TNS3: variants seen among roughly 807,000 people sequenced by gnomAD.
TNS3 encodes the protein tensin 3, also known as tensin-3.
A neutral mutation model predicts 140.9 loss-of-function variants in TNS3; 45 were observed. The ratio of observed to expected loss-of-function variants is 0.32; its 90% CI spans 0.25 to 0.41. TNS3 has a LOEUF of 0.41. Ranked by LOEUF, TNS3 falls within the 10% of genes least tolerant of loss-of-function variation. The probability of loss-of-function intolerance (pLI) is 1.00; values close to 1 mark genes in which losing one functional copy is unlikely to be tolerated. For missense variants in TNS3, 1,716 were observed against 1,906.7 expected, an observed-to-expected ratio of 0.90 and a Z score of 1.86; for synonymous variants, 815 against 788.4, an observed-to-expected ratio of 1.03 and a Z score of -0.56.
chr7:47,581,209 A>T (rs1253073216), intron 1 of TNS3, among the ~76,000 whole-genome samples: 1 of 152,034 alleles, frequency 6.6e-6, no homozygotes, highest in East Asian at 1.9e-4. Context: ...CAGCACCGAC[A>T]CAGAGACCCC....
chr7:47,383,935 C>T (rs757128236), intron 16 of TNS3, among the ~76,000 whole-genome samples: 12 of 152,186 alleles, frequency 7.9e-5, no homozygotes, highest in Non-Finnish European at 1.6e-4. Flanking sequence ...GAAAGTGACA[C>T]GCAGGGCCTC....
At chr7:47,423,317 C>A (rs1430392115) in intron 10 of TNS3, among the ~76,000 whole-genome samples, 1 of 152,202 alleles carries the variant, frequency 6.6e-6, no homozygotes, top group African/African-American at 2.4e-5. Flanking sequence ...TAAGTGTCAC[C>A]ATCTGTGGAG....
At chr7:47,429,615 C>A (rs1794830022) in intron 8 of TNS3, among the ~76,000 whole-genome samples, 1 of 152,180 alleles carries the variant, frequency 6.6e-6, no homozygotes, top group Non-Finnish European at 1.5e-5. Flanking sequence ...GATCCACCAG[C>A]CTCGGCCTCC....
In TNS3 at chr7:47,359,314, C is replaced by T. The variant is rs140465386; in HGVS notation, c.2281+9051G>A. ...CACAAAAAGCACATACTTTGTGATG[C>T]CATTTATGTAAAATGTCCACAGTAG... On this transcript the variant is annotated intron_variant, in intron 17 of 30. Transcript: ENST00000311160. Among the ~76,000 whole-genome samples the T allele has an allele frequency of 2.4e-4, 37 of 152,278 alleles. 1 individual carries two copies. The Middle Eastern group carries it at 0.017, about 70-fold the overall frequency.
At chr7:47,450,599 G>A (rs573737398) in intron 4 of TNS3, among the ~76,000 whole-genome samples, 20 of 152,216 alleles carry the variant, frequency 1.3e-4, no homozygotes, top group Non-Finnish European at 2.5e-4. Flanking sequence ...CCAAGACCCT[G>A]GAGCAGAGGT....
intron 12 of TNS3, among the ~76,000 whole-genome samples, chr7:47,413,251 C>CTTTTTTTTTTTTTTTTTTT (rs71003398): frequency 1.9e-5 from 1 of 52,904 alleles, no homozygotes; most frequent in Non-Finnish European, 3.4e-5. Context: ...CAAGCCTGGC[C>CTTTTTTTTTTTTTTTTTTT]TTTTTTTTTT....
intron 16 of TNS3, among the ~76,000 whole-genome samples, chr7:47,373,938 C>T (rs1038012026): frequency 6.6e-6 from 1 of 152,182 alleles, no homozygotes; most frequent in Non-Finnish European, 1.5e-5. Context: ...GTAGAAGAGC[C>T]GTGCAGCGCT....
At position 47,506,064 on chromosome 7, in the gene TNS3, T is replaced by C. The variant is rs183093700; in HGVS notation, c.-115+843A>G. On this transcript the variant is annotated intron_variant, in intron 3 of 30. Transcript: ENST00000311160. ...TAACAGTAGCAAAATCCCAAGACTC[T>C]AAAACTCCTCTTCCCTGGACCTACA... Among the ~76,000 whole-genome samples, 6 of 152,238 alleles carry C rather than the reference T, an allele frequency of 3.9e-5. No individual in the cohort carries two copies. The East Asian group carries it at 1.2e-3, about 29-fold the overall frequency.
intron 16 of TNS3, among the ~76,000 whole-genome samples, chr7:47,395,567 G>A: frequency 6.6e-6 from 1 of 152,212 alleles, no homozygotes; most frequent in East Asian, 1.9e-4. Context: ...AGTGTGCACT[G>A]TGATCTTTTG....
chr7:47,521,939 G>C (rs958258137), intron 2 of TNS3, among the ~76,000 whole-genome samples: 3 of 152,146 alleles, frequency 2.0e-5, no homozygotes, highest in Non-Finnish European at 4.4e-5. Flanking sequence ...GGCAGACAAA[G>C]GGCCAGACCC....
At chr7:47,327,105 C>T (rs6463414) in intron 20 of TNS3, among the ~76,000 whole-genome samples, 14,948 of 152,184 alleles carry the variant, frequency 0.098, 879 homozygotes, top group African/African-American at 0.15. Context: ...CCAGCCCTGC[C>T]CGTGCTACCC....
At chr7:47,382,104 A>G (rs1791800663) in intron 16 of TNS3, among the ~76,000 whole-genome samples, 1 of 152,144 alleles carries the variant, frequency 6.6e-6, no homozygotes, top group African/African-American at 2.4e-5. Flanking sequence ...CTGCATCACA[A>G]AACTGTGCAA....
At chr7:47,564,314 G>A (rs1045091678) in intron 1 of TNS3, among the ~76,000 whole-genome samples, 2 of 151,488 alleles carry the variant, frequency 1.3e-5, no homozygotes, top group African/African-American at 4.9e-5. Flanking sequence ...GACAGATTCC[G>A]AATTCTGCTC....
At chr7:47,307,956 G>A (rs1286601542) in intron 20 of TNS3, among the ~76,000 whole-genome samples, 2 of 152,094 alleles carry the variant, frequency 1.3e-5, no homozygotes, top group African/African-American at 4.8e-5. Context: ...TTTAAGTCCA[G>A]TTTATCAATT....
intron 20 of TNS3, among the ~76,000 whole-genome samples, chr7:47,311,537 T>A (rs1202063175): frequency 6.6e-6 from 1 of 152,104 alleles, no homozygotes; most frequent in East Asian, 1.9e-4. Flanking sequence ...ATTCAGTTCA[T>A]GATTTTATCA....
chr7:47,388,188 G>C (rs771557564), intron 16 of TNS3, among the ~76,000 whole-genome samples: 9 of 152,140 alleles, frequency 5.9e-5, no homozygotes, highest in Non-Finnish European at 1.2e-4. Context: ...GGCAGCAAGG[G>C]CCTTGTAAGA....
intron 20 of TNS3, among the ~76,000 whole-genome samples, chr7:47,323,349 CTG>C (rs1041849893): frequency 8.5e-5 from 13 of 152,172 alleles, no homozygotes; most frequent in African/African-American, 3.1e-4. Flanking sequence ...GAACTGTCAA[CTG>C]TGAATTCTAT....
intron 20 of TNS3, among the ~76,000 whole-genome samples, chr7:47,325,597 C>T (rs939064334): frequency 6.6e-6 from 1 of 152,142 alleles, no homozygotes; most frequent in Non-Finnish European, 1.5e-5. Flanking sequence ...TGCTGTGTGA[C>T]GGGGACCTTC....
intron 3 of TNS3, among the ~76,000 whole-genome samples, chr7:47,489,834 C>A (rs1379341612): frequency 6.6e-6 from 1 of 152,210 alleles, no homozygotes; most frequent in Non-Finnish European, 1.5e-5. Context: ...GGGGCCCAAA[C>A]GCCTTCCTGC....
Sources: gnomAD v4.1 joint callset for allele counts (sites outside exome capture counted in the v4.1 genomes callset) on GRCh38, gnomAD v4.1.1 for gene constraint, MANE v1.5 for transcripts, NCBI Gene and HGNC (gene_info 2026-07-23, HGNC 2026-07-21) for gene names.